The following ERBB4 variants were observed in gnomAD, a reference collection of about 807,000 sequenced individuals.
The protein encoded by ERBB4 is receptor tyrosine-protein kinase erbB-4.
A neutral mutation model predicts 158.0 loss-of-function variants in ERBB4; 42 were observed. The ratio of observed to expected loss-of-function variants is 0.27; its 90% confidence interval spans 0.21 to 0.34. The LOEUF (loss-of-function observed/expected upper bound fraction) is 0.34, where lower values mean the gene tolerates loss of function less well. Among genes scored for constraint, ERBB4 ranks in the 10% least tolerant of loss-of-function variants. The probability of loss-of-function intolerance (pLI) is 1.00; values close to 1 mark genes in which losing one functional copy is unlikely to be tolerated. For synonymous variants in ERBB4, 583 were observed against 558.7 expected (o/e 1.04, Z -0.61); for missense variants, 1,333 against 1,624.1 (o/e 0.82, Z 3.08).
chr2:211,978,165 A>T (rs1415727953), intron 2 of ERBB4, among the ~76,000 whole-genome samples: 1 of 151,988 alleles, frequency 6.6e-6, no homozygotes, highest in African/African-American at 2.4e-5. Context: ...ACTATGAAAG[A>T]GACTGCAGAA....
intron 20 of ERBB4, among the ~76,000 whole-genome samples, chr2:211,549,533 T>C (rs894617839): frequency 2.0e-5 from 3 of 152,100 alleles, no homozygotes; most frequent in Non-Finnish European, 4.4e-5. Context: ...TATAGGACTA[T>C]GCCCTAGCCA....
chr2:211,894,836 G>A (rs1244709040), intron 3 of ERBB4, among the ~76,000 whole-genome samples: 1 of 152,058 alleles, frequency 6.6e-6, no homozygotes, highest in Non-Finnish European at 1.5e-5. Flanking sequence ...ACATTACAGG[G>A]TAACGATCTA....
chr2:211,707,413 G>C (rs6435662), intron 9 of ERBB4, among the ~76,000 whole-genome samples: 77,582 of 151,948 alleles, frequency 0.51, 20,977 homozygotes, highest in Non-Finnish European at 0.6. Context: ...TACGTCTACC[G>C]TGTCATTGTG....
At chr2:211,837,600 A>G (rs2077369785) in intron 3 of ERBB4, among the ~76,000 whole-genome samples, 1 of 152,090 alleles carries the variant, frequency 6.6e-6, no homozygotes, top group African/African-American at 2.4e-5. Flanking sequence ...CCTAGGGTTG[A>G]ATCTCCTTCT....
At chr2:211,482,246 T>C (rs1007393922) in intron 20 of ERBB4, among the ~76,000 whole-genome samples, 51 of 152,312 alleles carry the variant, frequency 3.3e-4, no homozygotes, top group Admixed American at 2.1e-3. Flanking sequence ...ATCATCCAAA[T>C]TTATTATAAG....
chr2:211,865,221 A>G (rs1157527921), intron 3 of ERBB4, among the ~76,000 whole-genome samples: 1 of 151,182 alleles, frequency 6.6e-6, no homozygotes, highest in East Asian at 1.9e-4. Context: ...ATCTATATGT[A>G]TATATAGATA....
At chr2:211,392,600 A>ACACACACACC (rs564067126) in intron 25 of ERBB4, among the ~76,000 whole-genome samples, 4 of 133,640 alleles carry the variant, frequency 3.0e-5, no homozygotes, top group African/African-American at 1.1e-4. Flanking sequence ...ACACACACAC[A>ACACACACACC]CCCCAATAAT....
chr2:212,431,872 G>T (rs528796170), intron 1 of ERBB4, among the ~76,000 whole-genome samples: 3 of 152,066 alleles, frequency 2.0e-5, no homozygotes, highest in Non-Finnish European at 4.4e-5. Context: ...GGCACCCTAC[G>T]TGAAACTATA....
intron 1 of ERBB4, among the ~76,000 whole-genome samples, chr2:212,245,879 G>A (rs995012871): frequency 5.9e-5 from 9 of 152,086 alleles, no homozygotes; most frequent in African/African-American, 2.2e-4. Flanking sequence ...ATTTACAAAA[G>A]GGAGATGGGA....
chr2:211,991,589 T>A (rs1000647564), intron 2 of ERBB4, among the ~76,000 whole-genome samples: 1 of 152,144 alleles, frequency 6.6e-6, no homozygotes, highest in African/African-American at 2.4e-5. Context: ...ACTTGATATT[T>A]TTTTCCAAGA....
intron 2 of ERBB4, among the ~76,000 whole-genome samples, chr2:211,969,726 T>C (rs2081399497): frequency 6.6e-6 from 1 of 152,084 alleles, no homozygotes; most frequent in Non-Finnish European, 1.5e-5. Flanking sequence ...GGTATTTCTG[T>C]GGGGTCAGTG....
intron 2 of ERBB4, among the ~76,000 whole-genome samples, chr2:211,972,443 A>G (rs1388222983): frequency 6.6e-6 from 1 of 152,226 alleles, no homozygotes; most frequent in Non-Finnish European, 1.5e-5. Flanking sequence ...CTGCATAGCC[A>G]AGGCAATCCT....
rs191220247 is a variant in ERBB4 at position 211,382,893 on chromosome 2, T to C, written c.*722A>G. 730 of 232,668 alleles carry C rather than the reference T, an allele frequency of 3.1e-3. 10 individuals are homozygous for C. The highest frequency in any genetic ancestry group is 0.015 in the African/African-American group (700 of 45,418). 14.4% of individuals were successfully genotyped at this position (232,668 alleles called of 1,614,324 possible). A position where few individuals can be genotyped will look rare whatever the true frequency, so the allele number is the denominator to read the frequency against. On this transcript the variant is annotated 3_prime_UTR_variant, in exon 28 of 28. Coordinates refer to ENST00000342788, the MANE Select transcript of ERBB4 (RefSeq NM_005235.3). The stretch of plus-strand genomic sequence containing the variant: ...CTGTGAAGAAGCTTTGATGTAAACA[T>C]CTTTGCAATTAGAAATTAAAGCCAA...
chr2:211,479,303 G>A (rs1418407383), intron 20 of ERBB4, among the ~76,000 whole-genome samples: 1 of 152,170 alleles, frequency 6.6e-6, no homozygotes. Flanking sequence ...GCCACTTAAG[G>A]CTTCATGCAA....
intron 25 of ERBB4, among the ~76,000 whole-genome samples, chr2:211,400,845 G>A (rs937435816): frequency 1.3e-5 from 2 of 152,018 alleles, no homozygotes; most frequent in Admixed American, 1.3e-4. Flanking sequence ...TTACCCTGAT[G>A]TGATTATTAA....
At chr2:211,786,959 A>T (rs1164174424) in intron 4 of ERBB4, among the ~76,000 whole-genome samples, 1 of 152,236 alleles carries the variant, frequency 6.6e-6, no homozygotes, top group Non-Finnish European at 1.5e-5. Context: ...TTCAAAGGTG[A>T]CAAGAAAATT....
chr2:211,867,459 A>G (rs2078238487), intron 3 of ERBB4, among the ~76,000 whole-genome samples: 1 of 152,256 alleles, frequency 6.6e-6, no homozygotes, highest in Admixed American at 6.5e-5. Flanking sequence ...ATAAATGCAG[A>G]AAATCAAATA....
In ERBB4 at chr2:211,914,401, T is replaced by C. The variant is rs188147460; in HGVS notation, c.421+33029A>G. On this transcript the variant is annotated intron_variant, in intron 3 of 27. Coordinates refer to ENST00000342788, the MANE Select transcript of ERBB4 (RefSeq NM_005235.3). ...AAGTTTCAATCTATTGATTCTTCTATAAAATCAAAGCTAGAAAACATCCTT... is the reference window on the plus strand; with the variant it reads ...AAGTTTCAATCTATTGATTCTTCTACAAAATCAAAGCTAGAAAACATCCTT... 3.5e-3 allele frequency among the ~76,000 whole-genome samples: 527 copies of C among 152,244 alleles called. 2 individuals carry two copies. Among genetic ancestry groups the C allele is most frequent in the Non-Finnish European group, 3.8e-3 (258 of 67,982 alleles).
At chr2:212,276,308 T>C (rs2085533435) in intron 1 of ERBB4, among the ~76,000 whole-genome samples, 1 of 151,778 alleles carries the variant, frequency 6.6e-6, no homozygotes, top group Non-Finnish European at 1.5e-5. Flanking sequence ...AATATAGTCA[T>C]AAAGACTATA....
Sources: allele counts gnomAD v4.1 joint callset (sites outside exome capture counted in the v4.1 genomes callset), GRCh38; gene constraint gnomAD v4.1.1; transcripts MANE v1.5; gene names NCBI Gene and HGNC (gene_info 2026-07-23, HGNC 2026-07-21).